The following SELENON variants were observed in gnomAD, a reference collection of about 807,000 sequenced individuals.
The protein encoded by SELENON is selenoprotein N, 1.
SELENON carries 44 observed loss-of-function variants against 59.5 expected under a neutral mutation model. The observed-to-expected ratio is 0.74, with a 90% CI of 0.58 to 0.95. SELENON has a LOEUF of 0.95. Ranked by LOEUF, SELENON falls within the 40% of genes least tolerant of loss-of-function variation. The pLI, the probability that SELENON is intolerant of heterozygous loss-of-function variation, is 0.00. For missense variants in SELENON, 674 were observed against 721.4 expected (o/e 0.93, Z 0.75); for synonymous variants, 320 against 305.6 (o/e 1.05, Z -0.49).
rs753371063 is a variant in SELENON, at chr1:25,808,678, G to T, written c.636G>T (p.Pro212=). ...GCCACTTCCAGCCCTTCCTTCCCCC[G>T]CCAGGCCAGGAGCTGGGTGAGCCCT... Residue 212 remains proline, a synonymous_variant, in exon 5 of 13, where the codon CCG becomes CCT. Coordinates refer to ENST00000361547, the MANE Select transcript of SELENON (RefSeq NM_020451.3). 6.2e-7 allele frequency: 1 copy of T among 1,614,036 alleles called. No individual in the cohort carries two copies.
chr1:25,815,534 G>A lies in SELENON; in HGVS notation c.1603-14G>A, dbSNP rs370300935. On this transcript the variant is annotated splice_polypyrimidine_tract_variant and intron_variant, in intron 12 of 12. Transcript: ENST00000361547. Reference sequence around the variant, plus strand: ...CCCCTCCGCCCCACTTGCCTCACCCGGCCCTTCTCCCAGGTCCATCACATC... The same window carrying A: ...CCCCTCCGCCCCACTTGCCTCACCCAGCCCTTCTCCCAGGTCCATCACATC... The A allele has an allele frequency of 1.9e-4, 308 of 1,613,546 alleles. No individual in the cohort carries two copies. Among genetic ancestry groups the A allele is most frequent in the Admixed American group, 4.7e-4 (28 of 59,986 alleles).
chr1:25,809,754 G>A lies in SELENON; in HGVS notation c.944G>A (p.Gly315Asp). The A allele has an allele frequency of 4.3e-6, 7 of 1,614,056 alleles. No homozygotes were observed. The highest frequency in any genetic ancestry group is 5.9e-6 in the Non-Finnish European group (7 of 1,180,030). ...TGGTTCTCCCCTGCTCAGTTCACCG[G>A]CCACATCATCCTCTCCAAAGACGCC... The change falls in exon 7 of 13, where the codon GGC (glycine) becomes GAC (aspartate). Residue 315 changes from glycine to aspartate, a missense_variant. Coordinates refer to ENST00000361547, the MANE Select transcript of SELENON (RefSeq NM_020451.3).
rs1572235323 is a variant in SELENON at position 25,811,996 on chromosome 1, TCTCA to T, written c.1281+120_1281+123del. The T allele has an allele frequency of 5.2e-6, 6 of 1,144,816 alleles. No individual in the cohort carries two copies. In the East Asian group the frequency reaches 1.3e-4, roughly 25 times the overall value. 70.9% of individuals were successfully genotyped at this position (1,144,816 alleles called of 1,614,324 possible). A position where few individuals can be genotyped will look rare whatever the true frequency, so the allele number is the denominator to read the frequency against. On this transcript the variant is annotated intron_variant, in intron 9 of 12. Transcript: ENST00000361547. ...TGTGCAGGGCTTGCTACTGAGGCTG[TCTCA>T]CTGTTGGGCCCAGCTGTGCCAGCGG...
At chr1:25,810,975 C>T (rs2047954317) in intron 7 of SELENON, among the ~76,000 whole-genome samples, 1 of 152,212 alleles carries the variant, frequency 6.6e-6, no homozygotes, top group Admixed American at 6.5e-5. Context: ...GCCCTCTGTG[C>T]CCCCTGCTGC....
At chr1:25,808,015 A>G (rs12067355) in intron 4 of SELENON, among the ~76,000 whole-genome samples, 4,157 of 151,942 alleles carry the variant, frequency 0.027, 205 homozygotes, top group African/African-American at 0.095. Context: ...GACCCTAGAG[A>G]TTTCACCTCA....
chr1:25,800,281 C>G lies in SELENON; in HGVS notation c.51C>G (p.Ala17=). 7 of 983,264 alleles carry G rather than the reference C, an allele frequency of 7.1e-6. No individual in the cohort carries two copies. The highest frequency in any genetic ancestry group is 4.4e-5 in the South Asian group (1 of 22,874). 60.9% of individuals were successfully genotyped at this position (983,264 alleles called of 1,614,324 possible). The change falls in exon 1 of 13, where the codon GCC becomes GCG. Residue 17 remains alanine (A), a synonymous_variant. Coordinates refer to ENST00000361547, the MANE Select transcript of SELENON (RefSeq NM_020451.3). The stretch of plus-strand genomic sequence containing the variant: ...GCGGGCCGCCCAGCCCCGGCCCCGC[C>G]GCGCAGCCTCCCGCGCCACCGCGCC...
At position 25,811,723 on chromosome 1, in the gene SELENON, C is replaced by T. The variant is rs1243861239; in HGVS notation, c.1125C>T (p.Pro375=). 2 of 1,606,442 alleles carry T rather than the reference C, an allele frequency of 1.2e-6. No homozygotes were observed. The highest frequency in any genetic ancestry group is 1.7e-6 in the Non-Finnish European group (2 of 1,176,826). ...TGGAGGCCACGGGCCCCTCTGTGCC[C>T]TCCGTGATCCTGGATGAGGATGGCA... Residue 375 remains proline, a synonymous_variant, in exon 9 of 13, where the codon CCC becomes CCT. Transcript: ENST00000361547.
In SELENON at chr1:25,808,749, C is replaced by G. The variant is rs2047932108; in HGVS notation, c.707C>G (p.Ser236Cys). The change falls in exon 5 of 13, where the codon TCC becomes TGC. Residue 236 changes from serine (S) to cysteine (C), a missense_variant. Physicochemically the swap from Ser to Cys is moderately radical, Grantham distance 112 (BLOSUM62 -1). Coordinates refer to ENST00000361547, the MANE Select transcript of SELENON (RefSeq NM_020451.3). ...CTGAGCATGTTCACTGGCTACCTGT[C>G]CAACAACCGCTTCTATCCACCGCCG... is the stretch of plus-strand genomic sequence containing the variant. 6.2e-7 allele frequency: 1 copy of G among 1,614,000 alleles called. No homozygotes were observed. Among genetic ancestry groups the G allele is most frequent in the Non-Finnish European group, 8.5e-7 (1 of 1,179,982 alleles).
At chr1:25,808,127 G>A (rs1156701511) in intron 4 of SELENON, among the ~76,000 whole-genome samples, 1 of 152,254 alleles carries the variant, frequency 6.6e-6, no homozygotes, top group African/African-American at 2.4e-5. Flanking sequence ...AGAGGAGACT[G>A]GGGAGGGAGA....
At chr1:25,814,219 C>A (rs148809490) in intron 12 of SELENON, 41 bp downstream of exon 11, 2 of 1,541,158 alleles carry the variant, frequency 1.3e-6, no homozygotes, top group East Asian at 4.7e-5. Flanking sequence ...CCAGGCACCT[C>A]GGGGCCCCGG....
chr1:25,807,135 G>A lies in SELENON; in HGVS notation c.538-1445G>A, dbSNP rs973103621. On this transcript the variant is annotated intron_variant, in intron 4 of 12. Coordinates refer to ENST00000361547, the MANE Select transcript of SELENON (RefSeq NM_020451.3). This position sits in a 1 kb window ranked among gnomAD's most constrained non-coding sequence, Gnocchi z 4.5. ...ATTACAGGTGTGAGCCACCATGCCC[G>A]GCCGGGAGCCCCTTTCTTAACCTCA... Among the ~76,000 whole-genome samples, 5 of 152,232 alleles carry A rather than the reference G, an allele frequency of 3.3e-5. No homozygotes were observed. The highest frequency in any genetic ancestry group is 9.6e-5 in the African/African-American group (4 of 41,542).
Position 25,800,396 on chromosome 1 carries a change from C to T in SELENON, c.166C>T (p.Gln56Ter), listed in dbSNP as rs1557814050. The change falls in exon 1 of 13, where the codon CAG becomes TAG. Residue 56 changes from glutamine to a stop codon, truncating the protein, a stop_gained. Transcript: ENST00000361547. LOFTEE classifies it high-confidence loss of function. ...GGTCTGCGCCCGCCACGCCGAGGCC[C>T]AGGCGGCCGCGCGGCAGGTCCGGGC... The T allele has an allele frequency of 9.1e-7, 1 of 1,094,638 alleles. No individual in the cohort carries two copies. The allele number at this position is 1,094,638 out of a possible 1,614,324, so 67.8% of individuals were successfully genotyped here.
chr1:25,809,789 C>T lies in SELENON; in HGVS notation c.979C>T (p.Arg327Cys), dbSNP rs753400008. 8 of 1,613,996 alleles carry T rather than the reference C, an allele frequency of 5.0e-6. No homozygotes were observed. The highest frequency in any genetic ancestry group is 3.3e-5 in the Admixed American group (2 of 60,030). Reference sequence around the variant, plus strand: ...CCTCTCCAAAGACGCCACCCACGTCCGCGACTTCCGGCTCTTCGTGCCCAA... The same window carrying T: ...CCTCTCCAAAGACGCCACCCACGTCTGCGACTTCCGGCTCTTCGTGCCCAA... The change falls in exon 7 of 13, where the codon CGC (arginine) becomes TGC (cysteine). Residue 327 changes from arginine (R) to cysteine (C), a missense_variant. Arg to Cys is a radical substitution (Grantham distance 180). Transcript: ENST00000361547.
Position 25,811,810 on chromosome 1 carries a change from G to A in SELENON, c.1212G>A (p.Lys404=). 6.3e-7 allele frequency: 1 copy of A among 1,586,936 alleles called. No individual in the cohort carries two copies. The highest frequency in any genetic ancestry group is 8.6e-7 in the Non-Finnish European group (1 of 1,166,668). Reference sequence around the variant, plus strand: ...TGCAGTTTGTGTTTGAGGAGATCAAGTGGCAGCAGGAGCTGAGCTGGGAGG... The same window carrying A: ...TGCAGTTTGTGTTTGAGGAGATCAAATGGCAGCAGGAGCTGAGCTGGGAGG... The change falls in exon 9 of 13, where the codon AAG becomes AAA. Residue 404 remains lysine (K), a synonymous_variant. Transcript: ENST00000361547.
rs2048002035 is a variant in SELENON at position 25,815,424 on chromosome 1, C to CT, written c.1603-124_1603-123insT. The CT allele has an allele frequency of 6.1e-6, 5 of 819,058 alleles. No homozygotes were observed. In the South Asian group the frequency reaches 7.7e-5, roughly 13 times the overall value. The allele number at this position is 819,058 out of a possible 1,614,324, so 50.7% of individuals were successfully genotyped here. On this transcript the variant is annotated intron_variant, in intron 12 of 12. Transcript: ENST00000361547. ...GCTTACGGCAGCACTGCCTGCCCAC[C>CT]ATCCACCTCAGACAAGGACAGTCAA...
intron 10 of SELENON, among the ~76,000 whole-genome samples, chr1:25,813,109 A>T (rs1281211989): frequency 1.3e-5 from 2 of 152,208 alleles, no homozygotes; most frequent in Non-Finnish European, 2.9e-5. Flanking sequence ...TACCTCTCAT[A>T]GCTGTGGACA....
chr1:25,809,905 G>A, intron 7 of SELENON, 85 bp downstream of exon 6: 1 of 1,535,572 alleles, frequency 6.5e-7, no homozygotes, highest in Non-Finnish European at 8.9e-7. Flanking sequence ...GGCCTCTTCT[G>A]TCTCTGCCCC....
intron 2 of SELENON, chr1:25,801,942 A>G: frequency 4.6e-6 from 1 of 218,402 alleles, no homozygotes; most frequent in Non-Finnish European, 9.6e-6. Context: ...TAGAGAAAAG[A>G]AATGCACAGT....
rs752508126 is a variant in SELENON at position 25,809,785 on chromosome 1, C to T, written c.975C>T (p.His325=). The T allele has an allele frequency of 5.0e-6, 8 of 1,613,966 alleles. No homozygotes were observed. Among genetic ancestry groups the T allele is most frequent in the Admixed American group, 3.3e-5 (2 of 60,010 alleles). The change falls in exon 7 of 13, where the codon CAC becomes CAT. Residue 325 remains histidine, a synonymous_variant. Coordinates refer to ENST00000361547, the MANE Select transcript of SELENON (RefSeq NM_020451.3). ...TCATCCTCTCCAAAGACGCCACCCA[C>T]GTCCGCGACTTCCGGCTCTTCGTGC...
Sources: gnomAD v4.1 joint callset for allele counts (sites outside exome capture counted in the v4.1 genomes callset) on GRCh38, gnomAD v4.1.1 for gene constraint, Gnocchi (gnomAD v3.1) non-coding constraint, MANE v1.5 for transcripts, NCBI Gene and HGNC (gene_info 2026-07-23, HGNC 2026-07-21) for gene names.